The following NEDD4L variants were observed in gnomAD, a reference collection of about 807,000 sequenced individuals.
The protein encoded by NEDD4L is E3 ubiquitin-protein ligase NEDD4-like.
A neutral mutation model predicts 148.9 loss-of-function variants in NEDD4L; 54 were observed. That is an observed-to-expected ratio of 0.36 (90% CI 0.29 to 0.45). NEDD4L has a LOEUF of 0.45. Among genes scored for constraint, NEDD4L ranks in the 20% least tolerant of loss-of-function variants. The pLI is 1.00. For synonymous variants in NEDD4L, 433 were observed against 440.7 expected (o/e 0.98, Z 0.22); for missense variants, 856 against 1,233.8 (o/e 0.69, Z 4.59).
intron 5 of NEDD4L, among the ~76,000 whole-genome samples, chr18:58,257,321 T>C (rs1385793038): frequency 1.3e-5 from 2 of 152,056 alleles, no homozygotes; most frequent in African/African-American, 4.8e-5. Context: ...GTCAGGTCAG[T>C]CGTTGTTATA....
chr18:58,153,608 G>A (rs2035075672), intron 1 of NEDD4L, among the ~76,000 whole-genome samples: 1 of 151,538 alleles, frequency 6.6e-6, no homozygotes, highest in Non-Finnish European at 1.5e-5. Context: ...TAGGGAGCAT[G>A]TTTGAAGAGT....
At chr18:58,348,320 T>TTTTTTA (rs2043366519) in intron 16 of NEDD4L, among the ~76,000 whole-genome samples, 1 of 135,650 alleles carries the variant, frequency 7.4e-6, no homozygotes, top group African/African-American at 3.1e-5. Flanking sequence ...TCTTTTTCTT[T>TTTTTTA]TTTTTCTTTT....
intron 5 of NEDD4L, chr18:58,314,730 C>T (rs2058079430): frequency 6.6e-6 from 1 of 152,194 alleles, no homozygotes; most frequent in South Asian, 2.1e-4. Flanking sequence ...TAGTCTCATT[C>T]TTCATGCATA....
intron 3 of NEDD4L, among the ~76,000 whole-genome samples, chr18:58,246,964 G>A (rs377656067): frequency 2.0e-5 from 3 of 152,172 alleles, no homozygotes; most frequent in African/African-American, 7.2e-5. Flanking sequence ...AATTGAGCCC[G>A]GGAGATTGAG....
chr18:58,044,844 G>C, intron 1 of NEDD4L, 136 bp downstream of exon 1: 1 of 1,103,924 alleles, frequency 9.1e-7, no homozygotes, highest in African/African-American at 1.6e-5. Context: ...GGAGCGCCCC[G>C]GAGCGGGATC....
intron 1 of NEDD4L, among the ~76,000 whole-genome samples, chr18:58,148,703 C>T (rs1247040500): frequency 1.3e-5 from 2 of 152,204 alleles, no homozygotes; most frequent in African/African-American, 4.8e-5. Flanking sequence ...ACCTTAATAA[C>T]CTCTTTCAAG....
At chr18:58,199,303 C>T (rs191240943) in intron 2 of NEDD4L, among the ~76,000 whole-genome samples, 3 of 152,264 alleles carry the variant, frequency 2.0e-5, no homozygotes, top group Non-Finnish European at 2.9e-5. Context: ...GTTTTGCCTT[C>T]TCTCCCACAA....
At chr18:58,225,380 C>T (rs767042774) in intron 2 of NEDD4L, among the ~76,000 whole-genome samples, 1 of 152,206 alleles carries the variant, frequency 6.6e-6, no homozygotes, top group Non-Finnish European at 1.5e-5. Flanking sequence ...GCAATGTGGG[C>T]GGGGAACCCA....
chr18:58,194,225 G>A (rs568364446), intron 2 of NEDD4L: 1 of 152,362 alleles, frequency 6.6e-6, no homozygotes, highest in East Asian at 1.9e-4. Flanking sequence ...GGAGATGGGA[G>A]ATGGTGTAGG....
chr18:58,246,860 A>G (rs966747425), intron 3 of NEDD4L, among the ~76,000 whole-genome samples: 2 of 152,128 alleles, frequency 1.3e-5, no homozygotes, highest in African/African-American at 4.8e-5. Flanking sequence ...TGGAGGCTTT[A>G]TTGAAGATGC....
At chr18:58,061,721 T>C (rs535892341) in intron 1 of NEDD4L, among the ~76,000 whole-genome samples, 2 of 152,342 alleles carry the variant, frequency 1.3e-5, no homozygotes, top group African/African-American at 2.4e-5. Context: ...GTAAAACTTA[T>C]AACTTAAAAA....
chr18:58,310,694 G>T (rs2057586700), intron 5 of NEDD4L, among the ~76,000 whole-genome samples: 1 of 152,216 alleles, frequency 6.6e-6, no homozygotes, highest in African/African-American at 2.4e-5. Context: ...TGAGGTGCCT[G>T]ACAAGTGGAA....
chr18:58,195,708 G>C lies in NEDD4L; in HGVS notation c.122+29847G>C, dbSNP rs761910318. 3.7e-6 allele frequency: 5 copies of C among 1,352,104 alleles called. No homozygotes were observed. The East Asian group carries it at 2.3e-4, about 62-fold the overall frequency. 83.8% of individuals were successfully genotyped at this position (1,352,104 alleles called of 1,614,324 possible). ...GCCTCTCTCTCCGCTCCCCACTTCA[G>C]ACGAGCTCTTCCTGCCTGGAATCTG... On this transcript the variant is annotated intron_variant, in intron 2 of 30. Coordinates refer to ENST00000400345, the MANE Select transcript of NEDD4L (RefSeq NM_001144967.3).
chr18:58,259,447 AT>A (rs2049048888), intron 5 of NEDD4L, among the ~76,000 whole-genome samples: 2 of 152,162 alleles, frequency 1.3e-5, no homozygotes, highest in East Asian at 3.8e-4. Flanking sequence ...CTTTTGGGTT[AT>A]TGGGTTCTGA....
At chr18:58,185,816 T>A (rs780028388) in intron 2 of NEDD4L, among the ~76,000 whole-genome samples, 1 of 151,672 alleles carries the variant, frequency 6.6e-6, no homozygotes, top group Non-Finnish European at 1.5e-5. Context: ...GAGGTTGCAG[T>A]GAGCCAAGAT....
intron 1 of NEDD4L, among the ~76,000 whole-genome samples, chr18:58,079,117 A>G (rs1354364470): frequency 8.5e-5 from 13 of 152,164 alleles, no homozygotes; most frequent in Admixed American, 7.2e-4. Context: ...GCAGATAACC[A>G]GCAGGTCCTG....
At chr18:58,159,491 T>C (rs1469396538) in intron 1 of NEDD4L, among the ~76,000 whole-genome samples, 3 of 152,010 alleles carry the variant, frequency 2.0e-5, no homozygotes, top group Non-Finnish European at 4.4e-5. Flanking sequence ...CGGTAGGGGG[T>C]ACGTAGGAAA....
At chr18:58,203,898 A>G (rs2041705429) in intron 2 of NEDD4L, among the ~76,000 whole-genome samples, 1 of 152,208 alleles carries the variant, frequency 6.6e-6, no homozygotes, top group African/African-American at 2.4e-5. Context: ...CTGAAGATTT[A>G]TACTAATCTT....
Position 58,323,220 on chromosome 18 carries a change from T to C in NEDD4L, c.411-12T>C. 1 of 1,534,902 alleles carries C rather than the reference T, an allele frequency of 6.5e-7. No homozygotes were observed. Among genetic ancestry groups the C allele is most frequent in the Non-Finnish European group, 9.0e-7 (1 of 1,114,912 alleles). On this transcript the variant is annotated splice_polypyrimidine_tract_variant and intron_variant, in intron 7 of 30. Transcript: ENST00000400345. ...AACCCTTCTAACCAATTTTCTTCCA[T>C]TATGTGTGCAGTCATAAGTCTCGAG...
Sources: gnomAD v4.1 joint callset for allele counts (sites outside exome capture counted in the v4.1 genomes callset) on GRCh38, gnomAD v4.1.1 for gene constraint, MANE v1.5 for transcripts, NCBI Gene and HGNC (gene_info 2026-07-23, HGNC 2026-07-21) for gene names.